The following OPCML variants were observed in gnomAD, a reference collection of about 807,000 sequenced individuals.
The protein encoded by OPCML is opioid binding protein/cell adhesion molecule like.
OPCML carries 13 observed loss-of-function variants against 37.8 expected under a neutral mutation model. The observed-to-expected ratio is 0.34, with a 90% confidence interval of 0.22 to 0.55. The LOEUF (loss-of-function observed/expected upper bound fraction) is 0.55, where lower values mean the gene tolerates loss of function less well. Ranked by LOEUF, OPCML falls within the 20% of genes least tolerant of loss-of-function variation. The pLI is 0.91. For missense variants in OPCML, 341 were observed against 435.6 expected (o/e 0.78, Z 1.93); for synonymous variants, 176 against 168.8 (o/e 1.04, Z -0.33).
In OPCML at chr11:132,554,863, G is replaced by GTTTTTTTTTTTTTTTT. The variant is rs5795789; in HGVS notation, c.380-25693_380-25678dup. ...ATAAAAGCCATGGGAATGGGGTAAA[G>GTTTTTTTTTTTTTTTT]TTTTTTTTTTTTTTTTTTTTTTTTT... On this transcript the variant is annotated intron_variant, in intron 3 of 7. Coordinates refer to ENST00000524381, the MANE Select transcript of OPCML (RefSeq NM_001012393.5). 7.8e-5 allele frequency among the ~76,000 whole-genome samples: 5 copies of GTTTTTTTTTTTTTTTT among 64,026 alleles called. 1 individual carries two copies. Among genetic ancestry groups the GTTTTTTTTTTTTTTTT allele is most frequent in the African/African-American group, 1.2e-4 (2 of 17,342 alleles). The allele number at this position is 64,026 out of a possible 152,430, so 42.0% of individuals were successfully genotyped here.
intron 1 of OPCML, among the ~76,000 whole-genome samples, chr11:132,954,659 T>C (rs1460834040): frequency 2.0e-5 from 3 of 152,192 alleles, no homozygotes; most frequent in African/African-American, 7.2e-5. Context: ...GTGTTGAGCC[T>C]GAGCAAGAGA....
chr11:132,692,560 A>T (rs1943444645), intron 2 of OPCML, among the ~76,000 whole-genome samples: 1 of 152,220 alleles, frequency 6.6e-6, no homozygotes, highest in Admixed American at 6.5e-5. Flanking sequence ...TTGCTGGAAA[A>T]TTAATAAATC....
intron 2 of OPCML, among the ~76,000 whole-genome samples, chr11:132,740,371 A>C (rs1591540744): frequency 6.6e-6 from 1 of 152,202 alleles, no homozygotes. Context: ...TATCATAAAC[A>C]TACACACTCC....
intron 1 of OPCML, chr11:133,025,957 A>G (rs1316204638): frequency 9.9e-6 from 5 of 505,978 alleles, no homozygotes; most frequent in Non-Finnish European, 1.3e-5. Context: ...GTGGTCTCGA[A>G]CTCCTGACCT....
intron 2 of OPCML, among the ~76,000 whole-genome samples, chr11:132,728,555 C>A (rs571466052): frequency 3.3e-5 from 5 of 152,096 alleles, no homozygotes; most frequent in South Asian, 2.1e-4. Flanking sequence ...CACCTGCTCA[C>A]TTGTGATTTG....
At chr11:132,754,562 GA>G (rs1945969487) in intron 2 of OPCML, among the ~76,000 whole-genome samples, 2 of 151,968 alleles carry the variant, frequency 1.3e-5, no homozygotes, top group South Asian at 4.2e-4. Context: ...TCAGCAGAAT[GA>G]AAACAGACTA....
chr11:133,524,868 G>C (rs1948459973), intron 1 of OPCML, among the ~76,000 whole-genome samples: 1 of 152,216 alleles, frequency 6.6e-6, no homozygotes, highest in Non-Finnish European at 1.5e-5. Context: ...CAAACTGGGG[G>C]CCTCAATGCC....
At chr11:132,478,116 A>C (rs1408883551) in intron 4 of OPCML, among the ~76,000 whole-genome samples, 1 of 152,240 alleles carries the variant, frequency 6.6e-6, no homozygotes, top group African/African-American at 2.4e-5. Context: ...TAACTATGCT[A>C]AAATGAAGGT....
chr11:133,185,942 C>T (rs1386596426), intron 1 of OPCML, among the ~76,000 whole-genome samples: 9 of 152,190 alleles, frequency 5.9e-5, no homozygotes, highest in Non-Finnish European at 5.9e-5. Context: ...CATGTGAGTA[C>T]AATTTTCCAA....
chr11:132,868,082 C>T (rs1345045371), intron 2 of OPCML, among the ~76,000 whole-genome samples: 1 of 152,092 alleles, frequency 6.6e-6, no homozygotes, highest in Non-Finnish European at 1.5e-5. Flanking sequence ...TTTGCTAGCA[C>T]TAATGTATTA....
chr11:133,455,741 A>C (rs1435742160), intron 1 of OPCML, among the ~76,000 whole-genome samples: 1 of 152,206 alleles, frequency 6.6e-6, no homozygotes, highest in Non-Finnish European at 1.5e-5. Context: ...CTGAAACATT[A>C]AATAAAATAT....
intron 4 of OPCML, among the ~76,000 whole-genome samples, chr11:132,505,815 G>T (rs1019007854): frequency 6.6e-6 from 1 of 151,672 alleles, no homozygotes; most frequent in African/African-American, 2.4e-5. Context: ...GCCAACACAC[G>T]TGGAACTAAG....
intron 1 of OPCML, among the ~76,000 whole-genome samples, chr11:133,175,519 T>G (rs1285326619): frequency 6.7e-6 from 1 of 150,230 alleles, no homozygotes; most frequent in East Asian, 1.9e-4. Context: ...TTTTCCATGA[T>G]GGACTGCAAC....
At chr11:133,089,727 G>A (rs555841825) in intron 1 of OPCML, among the ~76,000 whole-genome samples, 1 of 151,992 alleles carries the variant, frequency 6.6e-6, no homozygotes, top group South Asian at 2.1e-4. Flanking sequence ...AACTATCAGA[G>A]AAGGATTTGT....
At chr11:132,974,742 T>A (rs1348112234) in intron 1 of OPCML, among the ~76,000 whole-genome samples, 1 of 152,092 alleles carries the variant, frequency 6.6e-6, no homozygotes, top group Non-Finnish European at 1.5e-5. Flanking sequence ...TCTTAAACCT[T>A]CAACTTCTCG....
At position 132,861,818 on chromosome 11, in the gene OPCML, G is replaced by GTTT. The variant is rs1942314251; in HGVS notation, c.146+81107_146+81108insAAA. ...CCATTGCACTCCAGCCTGGGCAACA[G>GTTT]AGTGAGACTCCATCTCAAATAAAAA... On this transcript the variant is annotated intron_variant, in intron 2 of 7. Transcript: ENST00000524381. Among the ~76,000 whole-genome samples the GTTT allele has an allele frequency of 2.7e-5, 4 of 147,090 alleles. No individual in the cohort carries two copies. The East Asian group carries it at 8.0e-4, about 29-fold the overall frequency.
rs575849858 is a variant in OPCML at position 132,682,407 on chromosome 11, T to TA, written c.147-25089dup. Among the ~76,000 whole-genome samples the TA allele has an allele frequency of 3.3e-5, 5 of 152,154 alleles. No homozygotes were observed. The South Asian group carries it at 1.0e-3, about 32-fold the overall frequency. The stretch of plus-strand genomic sequence containing the variant: ...TTATGTTTTATAACATATCATCTTT[T>TA]AAAAAAACTCTTTTCCTTCTCTTTG... On this transcript the variant is annotated intron_variant, in intron 2 of 7. Transcript: ENST00000524381.
chr11:132,876,905 C>A (rs986870792), intron 2 of OPCML, among the ~76,000 whole-genome samples: 1 of 152,094 alleles, frequency 6.6e-6, no homozygotes, highest in African/African-American at 2.4e-5. Context: ...GGGCATGAAA[C>A]CACAGACTGT....
chr11:133,493,635 C>T (rs192213541), intron 1 of OPCML, among the ~76,000 whole-genome samples: 7 of 151,944 alleles, frequency 4.6e-5, no homozygotes, highest in Admixed American at 1.3e-4. Flanking sequence ...AAAAAATAAG[C>T]ATGCATTTAG....
Sources: gnomAD v4.1 joint callset for allele counts (sites outside exome capture counted in the v4.1 genomes callset) on GRCh38, gnomAD v4.1.1 for gene constraint, MANE v1.5 for transcripts, NCBI Gene and HGNC (gene_info 2026-07-23, HGNC 2026-07-21) for gene names.